Variants in SPRR2G observed in about 807,000 individuals in gnomAD.
The protein encoded by SPRR2G is small proline-rich protein 2G.
In SPRR2G, 1 loss-of-function variant was observed where a neutral mutation model predicts 0.7. The observed-to-expected ratio is 1.49, with a 90% CI of 0.53 to 7.06. SPRR2G has a LOEUF of 7.06. Ranked by LOEUF, SPRR2G falls within the 30% of genes most tolerant of loss-of-function variation. SPRR2G has a pLI of 0.14. For missense variants in SPRR2G, 96 were observed against 88.5 expected (o/e 1.09, Z -0.34); for synonymous variants, 38 against 33.9 (o/e 1.12, Z -0.42).
chr1:153,150,051 C>T lies in SPRR2G; in HGVS notation c.60G>A (p.Thr20=), dbSNP rs1206815148. The T allele has an allele frequency of 1.5e-5, 24 of 1,613,266 alleles. No homozygotes were observed. The highest frequency in any genetic ancestry group is 1.8e-4 in the Middle Eastern group (1 of 5,662). ...GTGGACATGGCTCTGGGCACTTTGG[C>T]GTGGGGCACACAGGAGGTGGCTGGC... is the stretch of plus-strand genomic sequence containing the variant. ...QPCQPPPVCP[T]PKCPEPCPPP... is the part of the protein sequence containing the mutation. Residue 20 remains threonine, a synonymous_variant, in exon 2 of 2, where the codon ACG becomes ACA. Coordinates refer to ENST00000368748, the MANE Select transcript of SPRR2G (RefSeq NM_001014291.4).
chr1:153,175,531 C>G, the SPRR2G span, among the ~76,000 whole-genome samples: 2 of 152,190 alleles, frequency 1.3e-5, no homozygotes, highest in African/African-American at 4.8e-5. Flanking sequence ...GGAACTCTCC[C>G]TGATGGACTT....
chr1:153,158,915 G>A, the SPRR2G span, among the ~76,000 whole-genome samples: 4,703 of 152,218 alleles, frequency 0.031, 242 homozygotes, highest in African/African-American at 0.11. Context: ...GGCCTGTTTT[G>A]GCCATGGCTC....
At chr1:153,176,711 G>A in the SPRR2G span, 6 of 152,140 alleles carry the variant, frequency 3.9e-5, no homozygotes, top group African/African-American at 1.2e-4. Context: ...ATCAAGGGGC[G>A]AGATGAAAGC....
At chr1:153,194,772 ATGGGCAGGCATCGGCTCCT>A in the SPRR2G span, among the ~76,000 whole-genome samples, 2 of 152,134 alleles carry the variant, frequency 1.3e-5, no homozygotes, top group East Asian at 1.9e-4. Context: ...TGGAGTAGAC[ATGGGCAGGCATCGGCTCCT>A]TGGTGCAGCC....
At chr1:153,178,187 C>G in the SPRR2G span, among the ~76,000 whole-genome samples, 1 of 152,034 alleles carries the variant, frequency 6.6e-6, no homozygotes, top group East Asian at 1.9e-4. Context: ...TATTCTGTGG[C>G]CTTGATAAAG....
chr1:153,162,594 A>C, the SPRR2G span, among the ~76,000 whole-genome samples: 1 of 150,950 alleles, frequency 6.6e-6, no homozygotes, highest in Non-Finnish European at 1.5e-5. Flanking sequence ...GTGCAGGCCC[A>C]AGACCCTGGC....
the SPRR2G span, among the ~76,000 whole-genome samples, chr1:153,197,142 GT>G: frequency 0.06 from 4,109 of 68,328 alleles, 182 homozygotes; most frequent in African/African-American, 0.26. Flanking sequence ...ATGTGTGTGT[GT>G]GTGTGTGTGT....
At chr1:153,157,466 C>T in the SPRR2G span, among the ~76,000 whole-genome samples, 2 of 152,108 alleles carry the variant, frequency 1.3e-5, no homozygotes, top group Admixed American at 6.5e-5. Context: ...TTATAATACT[C>T]TTTTTTATTG....
chr1:153,174,856 A>G, the SPRR2G span, among the ~76,000 whole-genome samples: 8,623 of 152,258 alleles, frequency 0.057, 625 homozygotes, highest in Admixed American at 0.16. Flanking sequence ...ATCTGTCAGG[A>G]AATCCAGTTT....
the SPRR2G span, among the ~76,000 whole-genome samples, chr1:153,186,665 G>T: frequency 6.6e-6 from 1 of 152,102 alleles, no homozygotes; most frequent in African/African-American, 2.4e-5. Context: ...TTGCCAGTCT[G>T]TGTCTTGTAA....
chr1:153,164,411 T>C, the SPRR2G span, among the ~76,000 whole-genome samples: 1 of 152,124 alleles, frequency 6.6e-6, no homozygotes, highest in East Asian at 1.9e-4. Context: ...TCTAATCCAA[T>C]GCTGATGGGT....
the SPRR2G span, among the ~76,000 whole-genome samples, chr1:153,156,459 T>C: frequency 3.9e-5 from 6 of 152,242 alleles, no homozygotes; most frequent in African/African-American, 1.4e-4. Flanking sequence ...AGGAATTGTC[T>C]AAAGAATTTT....
chr1:153,199,946 T>C, the SPRR2G span, among the ~76,000 whole-genome samples: 2 of 151,610 alleles, frequency 1.3e-5, no homozygotes, highest in South Asian at 2.1e-4. Flanking sequence ...CACAGAGAGA[T>C]AGAAAAAGGC....
chr1:153,170,856 C>CA, the SPRR2G span, among the ~76,000 whole-genome samples: 1 of 152,138 alleles, frequency 6.6e-6, no homozygotes, highest in Non-Finnish European at 1.5e-5. Flanking sequence ...CAGGACCCCA[C>CA]AAATCCACCT....
At chr1:153,196,346 C>T in the SPRR2G span, among the ~76,000 whole-genome samples, 1 of 152,218 alleles carries the variant, frequency 6.6e-6, no homozygotes, top group Non-Finnish European at 1.5e-5. Flanking sequence ...TATTTCACTG[C>T]ATAATGTCCT....
At chr1:153,187,676 T>C in the SPRR2G span, among the ~76,000 whole-genome samples, 1 of 152,138 alleles carries the variant, frequency 6.6e-6, no homozygotes, top group East Asian at 1.9e-4. Context: ...AGTTTGTTAT[T>C]ACCAACCTTC....
the SPRR2G span, among the ~76,000 whole-genome samples, chr1:153,158,561 C>T: frequency 3.1e-3 from 475 of 152,312 alleles, 4 homozygotes; most frequent in African/African-American, 0.011. Context: ...TCTAGGTGCA[C>T]GGTGCAAGCT....
chr1:153,180,658 G>A, the SPRR2G span, among the ~76,000 whole-genome samples: 526 of 152,280 alleles, frequency 3.5e-3, no homozygotes, highest in Non-Finnish European at 6.5e-3. Flanking sequence ...TGGGTCAGAG[G>A]ATAGGGATAT....
the SPRR2G span, chr1:153,191,463 T>C: frequency 2.0e-5 from 3 of 152,244 alleles, no homozygotes; most frequent in Non-Finnish European, 4.4e-5. Context: ...ATTTTATTCA[T>C]GTGATTTACA....
Sources: gnomAD v4.1 joint callset for allele counts (sites outside exome capture counted in the v4.1 genomes callset) on GRCh38, gnomAD v4.1.1 for gene constraint, MANE v1.5 for transcripts, NCBI Gene and HGNC (gene_info 2026-07-23, HGNC 2026-07-21) for gene names.